The following CEACAM3 variants were observed in gnomAD, a reference collection of about 807,000 sequenced individuals.
CEACAM3 encodes cell adhesion molecule CEACAM3.
Under a neutral mutation model 30.1 loss-of-function variants are expected in CEACAM3, and 32 were observed. That is an observed-to-expected ratio of 1.06 (90% CI 0.80 to 1.43). The LOEUF is 1.43. CEACAM3 is among the 40% of genes most tolerant of loss of function. CEACAM3 has a pLI of 0.00. For synonymous variants in CEACAM3, 134 were observed against 127.2 expected (o/e 1.05, Z -0.36); for missense variants, 290 against 316.3 (o/e 0.92, Z 0.63).
At chr19:41,807,561 A>G in intron 2 of CEACAM3, 1 of 1,288,108 alleles carries the variant, frequency 7.8e-7, no homozygotes, top group Non-Finnish European at 1.0e-6. Flanking sequence ...ATAGGAGGGG[A>G]GAGGCTGCTC....
At chr19:41,808,614 C>T (rs976211069) in intron 2 of CEACAM3, among the ~76,000 whole-genome samples, 199 bp from the exon 3 acceptor site, 2 of 152,174 alleles carry the variant, frequency 1.3e-5, no homozygotes, top group Non-Finnish European at 2.9e-5. Context: ...GAGTTGGTGC[C>T]GCCCAGTGTG....
intron 2 of CEACAM3, among the ~76,000 whole-genome samples, chr19:41,800,361 C>A (rs541214439): frequency 6.6e-6 from 1 of 152,190 alleles, no homozygotes; most frequent in Non-Finnish European, 1.5e-5. Context: ...CGAGGTCTAG[C>A]GGTAGCGTAA....
At chr19:41,807,111 C>T (rs782752444) in intron 2 of CEACAM3, 10 of 1,609,250 alleles carry the variant, frequency 6.2e-6, no homozygotes, top group African/African-American at 5.3e-5. Context: ...TTCTGCACAG[C>T]GGAGCTGCCC....
intron 5 of CEACAM3, 35 bp downstream of exon 5, chr19:41,810,389 G>A (rs1295756773): frequency 6.3e-7 from 1 of 1,581,222 alleles, no homozygotes; most frequent in Non-Finnish European, 8.6e-7. Flanking sequence ...TTTCTACTGG[G>A]GTCCCAGCTG....
chr19:41,810,177 G>A, intron 4 of CEACAM3, 146 bp from the exon 5 acceptor site: 1 of 1,278,036 alleles, frequency 7.8e-7, no homozygotes, highest in Non-Finnish European at 1.1e-6. Context: ...GCTTGGGTCA[G>A]CCCTCACCTG....
At chr19:41,802,612 G>A (rs1398010331) in intron 2 of CEACAM3, among the ~76,000 whole-genome samples, 1 of 152,168 alleles carries the variant, frequency 6.6e-6, no homozygotes, top group Non-Finnish European at 1.5e-5. Context: ...GGGACAAGGA[G>A]GGACTCTTTT....
intron 5 of CEACAM3, 89 bp from the exon 6 acceptor site, chr19:41,810,743 A>G: frequency 2.5e-6 from 3 of 1,210,690 alleles, no homozygotes; most frequent in Non-Finnish European, 3.7e-6. Flanking sequence ...GGAAATGACC[A>G]GAAGTAAACA....
chr19:41,808,361 T>A (rs117737264), intron 2 of CEACAM3, among the ~76,000 whole-genome samples: 1,636 of 152,278 alleles, frequency 0.011, 11 homozygotes, highest in Non-Finnish European at 0.018. Flanking sequence ...CAAGGTGATG[T>A]AAGGATGAGA....
Position 41,803,420 on chromosome 19 carries a change from GTGTGTA to G in CEACAM3, c.425-5387_425-5382del, listed in dbSNP as rs146313873. 3.1e-3 allele frequency among the ~76,000 whole-genome samples: 417 copies of G among 134,604 alleles called. 12 individuals carry two copies. The highest frequency in any genetic ancestry group is 0.017 in the Middle Eastern group (4 of 240). The allele number at this position is 134,604 out of a possible 152,430, so 88.3% of individuals were successfully genotyped here. ...CCAAAACTGAACAGCAAAGTTTTGT[GTGTGTA>G]TGTGTGTGTGTGTGTGTGTGTGTGT... On this transcript the variant is annotated intron_variant, in intron 2 of 6. Coordinates refer to ENST00000357396, the MANE Select transcript of CEACAM3 (RefSeq NM_001815.5).
chr19:41,808,980 G>A, intron 3 of CEACAM3, 50 bp downstream of exon 3: 1 of 1,354,806 alleles, frequency 7.4e-7, no homozygotes, highest in Non-Finnish European at 1.0e-6. Flanking sequence ...CTGACTCCAG[G>A]CCAAAAGAAA....
At chr19:41,809,009 T>A in intron 3 of CEACAM3, 79 bp downstream of exon 3, 1 of 1,063,808 alleles carries the variant, frequency 9.4e-7, no homozygotes, top group Non-Finnish European at 1.4e-6. Context: ...TGTCCTGTAT[T>A]CAGGGCCAGG....
At position 41,802,745 on chromosome 19, in the gene CEACAM3, T is replaced by C. The variant is rs551241487; in HGVS notation, c.424+4797T>C. 2.6e-5 allele frequency among the ~76,000 whole-genome samples: 4 copies of C among 152,330 alleles called. No individual in the cohort carries two copies. The South Asian group carries it at 8.3e-4, about 32-fold the overall frequency. ...GGAAAGATCTCCGTGAATTCTATTC[T>C]TCTTAGCAACAGCTGCCTTTAAGAG... On this transcript the variant is annotated intron_variant, in intron 2 of 6. Transcript: ENST00000357396.
intron 2 of CEACAM3, chr19:41,807,558 G>T (rs1269344638): frequency 1.3e-5 from 17 of 1,291,284 alleles, no homozygotes; most frequent in Non-Finnish European, 1.3e-5. Flanking sequence ...AGAATAGGAG[G>T]GGAGAGGCTG....
At position 41,796,744 on chromosome 19, in the gene CEACAM3, G is replaced by A; in HGVS notation, c.64+3G>A. ...CTGGCAGGGGCTTCTGCTCACAGGT[G>A]AGTGGAGGATTCCTGGGAGTGGGCA... On this transcript the variant is annotated splice_donor_region_variant and intron_variant, in intron 1 of 6. Transcript: ENST00000357396. 1 of 1,611,644 alleles carries A rather than the reference G, an allele frequency of 6.2e-7. No homozygotes were observed. The highest frequency in any genetic ancestry group is 1.7e-4 in the Middle Eastern group (1 of 6,042).
Position 41,807,506 on chromosome 19 carries a change from C to T in CEACAM3, c.425-1307C>T, listed in dbSNP as rs1412629674. 2.8e-6 allele frequency: 4 copies of T among 1,428,156 alleles called. No homozygotes were observed. The African/African-American group carries it at 5.7e-5, about 20-fold the overall frequency. 88.5% of individuals were successfully genotyped at this position (1,428,156 alleles called of 1,614,324 possible). A position where few individuals can be genotyped will look rare whatever the true frequency, so the allele number is the denominator to read the frequency against. On this transcript the variant is annotated intron_variant, in intron 2 of 6. Coordinates refer to ENST00000357396, the MANE Select transcript of CEACAM3 (RefSeq NM_001815.5). ...AGACTCTCACCCAGGCTGGCCATCA[C>T]TTCCTGTCCCAAGCAAACCTGGGCA...
chr19:41,809,338 A>T (rs1365872818), intron 3 of CEACAM3: 1 of 180,160 alleles, frequency 5.6e-6, no homozygotes, highest in Non-Finnish European at 1.2e-5. Flanking sequence ...GGGCACCGTC[A>T]CACAATGGGG....
intron 2 of CEACAM3, 97 bp downstream of exon 2, chr19:41,798,045 A>T: frequency 6.6e-7 from 1 of 1,522,590 alleles, no homozygotes; most frequent in Non-Finnish European, 8.8e-7. Flanking sequence ...CCCTCTCTGC[A>T]TTACATTCTG....
intron 5 of CEACAM3, 129 bp downstream of exon 5, chr19:41,810,483 C>T (rs2123025794): frequency 8.9e-7 from 1 of 1,123,852 alleles, no homozygotes; most frequent in Non-Finnish European, 1.3e-6. Flanking sequence ...CAAGGCTAGC[C>T]CTGCCCTGGC....
Position 41,809,938 on chromosome 19 carries a change from C to G in CEACAM3, c.543-27C>G, listed in dbSNP as rs200058137. On this transcript the variant is annotated intron_variant, in intron 3 of 6. Transcript: ENST00000357396. ...AAGTTGTGGCTTTTAACCTGGCACC[C>G]TCCCAAATGACCCTGACCTTTCCTA... The G allele has an allele frequency of 3.1e-6, 5 of 1,613,082 alleles. No individual in the cohort carries two copies. In the Admixed American group the frequency reaches 8.4e-5, roughly 27 times the overall value.
Sources: allele counts gnomAD v4.1 joint callset (sites outside exome capture counted in the v4.1 genomes callset), GRCh38; gene constraint gnomAD v4.1.1; transcripts MANE v1.5; gene names NCBI Gene and HGNC (gene_info 2026-07-23, HGNC 2026-07-21).